The following DLGAP4 variants were observed in gnomAD, a reference collection of about 807,000 sequenced individuals.
DLGAP4 encodes the protein DLG associated protein 4, also known as disks large-associated protein 4.
A neutral mutation model predicts 86.9 loss-of-function variants in DLGAP4; 18 were observed. That is an observed-to-expected ratio of 0.21 (90% CI 0.14 to 0.31). The LOEUF (loss-of-function observed/expected upper bound fraction) is 0.31, where lower values mean the gene tolerates loss of function less well. Among genes scored for constraint, DLGAP4 ranks in the 10% least tolerant of loss-of-function variants. The pLI is 1.00. For synonymous variants in DLGAP4, 548 were observed against 574.3 expected (o/e 0.95, Z 0.65); for missense variants, 1,085 against 1,362.6 (o/e 0.80, Z 3.21).
Position 36,432,162 on chromosome 20 carries a change from C to G in DLGAP4, c.445C>G (p.Leu149Val). 1 of 1,614,192 alleles carries G rather than the reference C, an allele frequency of 6.2e-7. No homozygotes were observed. The highest frequency in any genetic ancestry group is 8.5e-7 in the Non-Finnish European group (1 of 1,180,046). ...CCACCTGGTCCACTCAGTCCAGCGG[C>G]TTTTCTTCACCAAGGCACCCTCACT... ...IRHLVHSVQR[L>V]FFTKAPSLEG... is the part of the protein sequence containing the mutation. Residue 149 changes from leucine to valine, a missense_variant, in exon 3 of 13, where the codon CTT (leucine) becomes GTT (valine). Leu to Val is a conservative substitution (Grantham distance 32, BLOSUM62 1). Coordinates refer to ENST00000339266, the MANE Select transcript of DLGAP4 (RefSeq NM_001365621.2). This position sits in a 1 kb window ranked among gnomAD's most constrained non-coding sequence, Gnocchi z 6.5.
At chr20:36,422,749 G>C (rs951908259) in intron 2 of DLGAP4, among the ~76,000 whole-genome samples, 2 of 152,190 alleles carry the variant, frequency 1.3e-5, no homozygotes, top group Admixed American at 6.5e-5. Context: ...AGACACAGAG[G>C]CACCATGGAG....
chr20:36,310,692 C>A (rs1246402449), intron 1 of DLGAP4, among the ~76,000 whole-genome samples: 1 of 152,138 alleles, frequency 6.6e-6, no homozygotes, highest in African/African-American at 2.4e-5. Context: ...GGATCCAGAG[C>A]AAGCCACTGG....
Position 36,500,630 on chromosome 20 carries a change from G to A in DLGAP4, c.2512+19G>A, listed in dbSNP as rs2036104369. 6.8e-7 allele frequency: 1 copy of A among 1,469,922 alleles called. No individual in the cohort carries two copies. Among genetic ancestry groups the A allele is most frequent in the South Asian group, 1.5e-5 (1 of 66,250 alleles). 91.1% of individuals were successfully genotyped at this position (1,469,922 alleles called of 1,614,324 possible). ...GAAGAAGGTGGGTGCCACATGGATG[G>A]TCCTTGGGCAAGGGTAGAAGGTGTT... On this transcript the variant is annotated intron_variant, in intron 10 of 12. Coordinates refer to ENST00000339266, the MANE Select transcript of DLGAP4 (RefSeq NM_001365621.2). This position sits in a 1 kb window ranked among gnomAD's most constrained non-coding sequence, Gnocchi z 4.6.
At chr20:36,456,438 A>G (rs976732174) in intron 7 of DLGAP4, among the ~76,000 whole-genome samples, 1 of 152,214 alleles carries the variant, frequency 6.6e-6, no homozygotes, top group Non-Finnish European at 1.5e-5. Context: ...CTGAGAGGCC[A>G]CTCACAGGTT....
intron 2 of DLGAP4, among the ~76,000 whole-genome samples, chr20:36,425,997 A>G (rs1187164096): frequency 6.6e-6 from 1 of 152,210 alleles, no homozygotes; most frequent in Admixed American, 6.5e-5. Context: ...GTGTCCATCC[A>G]AAGATGAATG....
chr20:36,507,219 TTTTG>T (rs1034843805), intron 10 of DLGAP4, among the ~76,000 whole-genome samples: 13 of 150,126 alleles, frequency 8.7e-5, no homozygotes, highest in South Asian at 2.1e-4. Flanking sequence ...GTTGTTTTTT[TTTTG>T]TTTTGTTTTG....
In DLGAP4 at chr20:36,393,929, G is replaced by A. The variant is rs1347268600; in HGVS notation, c.-73+26654G>A. On this transcript the variant is annotated intron_variant, in intron 2 of 12. Coordinates refer to ENST00000339266, the MANE Select transcript of DLGAP4 (RefSeq NM_001365621.2). This position sits in a 1 kb window ranked among gnomAD's most constrained non-coding sequence, Gnocchi z 4.4. The stretch of plus-strand genomic sequence containing the variant: ...CTCATCCCTCGCCTGCCCACAGAAT[G>A]CGCCCCAGGCCCTGCTGTACACACA... Among the ~76,000 whole-genome samples, 1 of 152,134 alleles carries A rather than the reference G, an allele frequency of 6.6e-6. No individual in the cohort carries two copies. The highest frequency in any genetic ancestry group is 2.4e-5 in the African/African-American group (1 of 41,424).
rs117006346 is a variant in DLGAP4 at position 36,486,619 on chromosome 20, C to T, written c.1649-10086C>T. 2.0e-5 allele frequency among the ~76,000 whole-genome samples: 3 copies of T among 151,812 alleles called. No individual in the cohort carries two copies. In the East Asian group the frequency reaches 5.8e-4, roughly 29 times the overall value. On this transcript the variant is annotated intron_variant, in intron 7 of 12. Transcript: ENST00000339266. ...TTTTATTCTGTATGGAATGGGGAGC[C>T]TTTTTTTTGAGATGAAATTTTGCTT... is the stretch of plus-strand genomic sequence containing the variant.
chr20:36,487,986 G>A (rs1420323724), intron 7 of DLGAP4, among the ~76,000 whole-genome samples: 1 of 152,120 alleles, frequency 6.6e-6, no homozygotes, highest in East Asian at 1.9e-4. Flanking sequence ...TGGATCACGA[G>A]GTTGGGAGTT....
intron 7 of DLGAP4, among the ~76,000 whole-genome samples, chr20:36,470,332 C>G (rs1379032114): frequency 6.6e-6 from 1 of 152,196 alleles, no homozygotes; most frequent in East Asian, 1.9e-4. Context: ...CAGGCTTCCT[C>G]AGTCTACTCT....
In DLGAP4 at chr20:36,460,004, C is replaced by T. The variant is rs147595133; in HGVS notation, c.1648+13067C>T. On this transcript the variant is annotated intron_variant, in intron 7 of 12. Coordinates refer to ENST00000339266, the MANE Select transcript of DLGAP4 (RefSeq NM_001365621.2). ...AATCTTGCCTTGGTCCAGTTTCTCT[C>T]CAGGAAACAGATAGGGCTGGTGAGT... Among the ~76,000 whole-genome samples, 1,069 of 152,294 alleles carry T rather than the reference C, an allele frequency of 7.0e-3. 6 individuals carry two copies. Among genetic ancestry groups the T allele is most frequent in the Non-Finnish European group, 0.011 (759 of 68,034 alleles).
In DLGAP4 at chr20:36,439,875, G is replaced by A; in HGVS notation, c.1356+7G>A. ...CTCCAGCTGCATCAGCCAGGTGAGG[G>A]TGGCAGGGAGGCTGGAGAGTCAGGG... On this transcript the variant is annotated splice_region_variant and intron_variant, in intron 5 of 12. Coordinates refer to ENST00000339266, the MANE Select transcript of DLGAP4 (RefSeq NM_001365621.2). The A allele has an allele frequency of 6.2e-7, 1 of 1,610,944 alleles. No homozygotes were observed. Among genetic ancestry groups the A allele is most frequent in the Non-Finnish European group, 8.5e-7 (1 of 1,178,780 alleles).
intron 2 of DLGAP4, among the ~76,000 whole-genome samples, chr20:36,388,905 G>C (rs375526980): frequency 6.6e-6 from 1 of 152,320 alleles, no homozygotes; most frequent in East Asian, 1.9e-4. Context: ...CTCTGGCCAG[G>C]ATAAGGACCA....
chr20:36,377,425 G>C (rs1255868535), intron 2 of DLGAP4, among the ~76,000 whole-genome samples: 2 of 152,212 alleles, frequency 1.3e-5, no homozygotes, highest in African/African-American at 4.8e-5. Flanking sequence ...CCCCATCTTA[G>C]AGTTGGTTGC....
Position 36,442,782 on chromosome 20 carries a change from G to A in DLGAP4, c.1407+5G>A, listed in dbSNP as rs1283128234. The A allele has an allele frequency of 6.2e-7, 1 of 1,614,206 alleles. No individual in the cohort carries two copies. The highest frequency in any genetic ancestry group is 1.7e-5 in the Admixed American group (1 of 60,024). ...TTGTTTGGCCATGAGCAGCAGGTCAGTATGTTTGCCCTTCTCTTCCACCCC... is the reference window on the plus strand; with the variant it reads ...TTGTTTGGCCATGAGCAGCAGGTCAATATGTTTGCCCTTCTCTTCCACCCC... On this transcript the variant is annotated splice_donor_5th_base_variant and intron_variant, in intron 6 of 12. Transcript: ENST00000339266.
rs375865008 is a variant in DLGAP4, at chr20:36,491,810, G to A, written c.1649-4895G>A. Among the ~76,000 whole-genome samples, 13 of 152,338 alleles carry A rather than the reference G, an allele frequency of 8.5e-5. No homozygotes were observed. In the East Asian group the frequency reaches 1.9e-3, roughly 23 times the overall value. On this transcript the variant is annotated intron_variant, in intron 7 of 12. Transcript: ENST00000339266. ...GGGTTTTTGGCAACTGAGGGTTTTT[G>A]TAGTGATAATGAGGTTTATTTTCTC...
At chr20:36,429,405 T>C (rs1401850348) in intron 2 of DLGAP4, among the ~76,000 whole-genome samples, 70 of 139,402 alleles carry the variant, frequency 5.0e-4, no homozygotes, top group African/African-American at 1.4e-3. Context: ...TTTCTTTTTT[T>C]TTTTTTTTTT....
chr20:36,499,597 A>T lies in DLGAP4; in HGVS notation c.2020A>T (p.Ile674Phe). Residue 674 changes from isoleucine to phenylalanine, a missense_variant, in exon 9 of 13, where the codon ATT becomes TTT. Ile to Phe is a conservative substitution (Grantham distance 21, BLOSUM62 0). Transcript: ENST00000339266. ...GTTGTCCTTCAATAAGGTTGACTGC[A>T]TTCAGCCAGTGCCAAAAGAGGAGCC... ...LSSIGIQVDCIQPVPKEEPSP... is the reference protein window; with the variant it reads ...LSSIGIQVDCFQPVPKEEPSP... 1 of 1,613,996 alleles carries T rather than the reference A, an allele frequency of 6.2e-7. No homozygotes were observed. Among genetic ancestry groups the T allele is most frequent in the Non-Finnish European group, 8.5e-7 (1 of 1,179,982 alleles).
Position 36,456,075 on chromosome 20 carries a change from G to A in DLGAP4, c.1648+9138G>A, listed in dbSNP as rs985789159. Reference sequence around the variant, plus strand: ...AAGAAAGGTGCCACCATCGATTCGCGATGTCTACCGTAGCCAGAAGAGTTA... The same window carrying A: ...AAGAAAGGTGCCACCATCGATTCGCAATGTCTACCGTAGCCAGAAGAGTTA... On this transcript the variant is annotated intron_variant, in intron 7 of 12. Coordinates refer to ENST00000339266, the MANE Select transcript of DLGAP4 (RefSeq NM_001365621.2). Among the ~76,000 whole-genome samples the A allele has an allele frequency of 3.9e-5, 6 of 152,172 alleles. No homozygotes were observed. In the South Asian group the frequency reaches 6.2e-4, roughly 16 times the overall value.
Sources: gnomAD v4.1 joint callset for allele counts (sites outside exome capture counted in the v4.1 genomes callset) on GRCh38, gnomAD v4.1.1 for gene constraint, Gnocchi (gnomAD v3.1) non-coding constraint, MANE v1.5 for transcripts, NCBI Gene and HGNC (gene_info 2026-07-23, HGNC 2026-07-21) for gene names.